Variants in POU2F1 observed in about 807,000 individuals in gnomAD.
POU2F1 encodes POU class 2 homeobox 1.
POU2F1 carries 16 observed loss-of-function variants against 84.9 expected under a neutral mutation model. The observed-to-expected ratio is 0.19, with a 90% CI of 0.13 to 0.29. The LOEUF (loss-of-function observed/expected upper bound fraction) is 0.29. Ranked by LOEUF, POU2F1 falls within the 10% of genes least tolerant of loss-of-function variation. The pLI, the probability that POU2F1 is intolerant of heterozygous loss-of-function variation, is 1.00. For synonymous variants in POU2F1, 368 were observed against 368.3 expected (o/e 1.00, Z 0.01); for missense variants, 738 against 942.6 (o/e 0.78, Z 2.84).
At chr1:167,406,148 C>A (rs1292255995) in intron 13 of POU2F1, among the ~76,000 whole-genome samples, 1 of 152,086 alleles carries the variant, frequency 6.6e-6, no homozygotes, top group Admixed American at 6.5e-5. Flanking sequence ...AATCCAGCAA[C>A]ATACTGAAAA....
At chr1:167,258,076 A>T (rs768037031) in intron 1 of POU2F1, among the ~76,000 whole-genome samples, 1 of 152,200 alleles carries the variant, frequency 6.6e-6, no homozygotes, top group South Asian at 2.1e-4. Context: ...CAAGGTTCCA[A>T]AGCTAAGCTG....
chr1:167,308,224 G>A (rs957384629), intron 1 of POU2F1, among the ~76,000 whole-genome samples: 7 of 151,790 alleles, frequency 4.6e-5, no homozygotes, highest in Non-Finnish European at 1.0e-4. Flanking sequence ...ACACCACCAC[G>A]CCTGGCTAAT....
rs1375050664 is a variant in POU2F1, at chr1:167,266,502, TAAAAC to T, written c.61+45549_61+45553del. ...GTATGTGCAGATGTTCTAGAATTATTAAAACAAAATCAGTATCAGAATGTCAAATA... is the reference window on the plus strand; with the variant it reads ...GTATGTGCAGATGTTCTAGAATTATTAAAATCAGTATCAGAATGTCAAATA... On this transcript the variant is annotated intron_variant, in intron 1 of 15. Coordinates refer to ENST00000367866, the MANE Select transcript of POU2F1 (RefSeq NM_002697.4). Among the ~76,000 whole-genome samples, 124 of 152,314 alleles carry T rather than the reference TAAAAC, an allele frequency of 8.1e-4. 1 individual carries two copies. The highest frequency in any genetic ancestry group is 2.8e-4 in the Non-Finnish European group (19 of 68,038).
chr1:167,401,235 T>G (rs1222063413), intron 12 of POU2F1, among the ~76,000 whole-genome samples: 1 of 152,194 alleles, frequency 6.6e-6, no homozygotes, highest in Non-Finnish European at 1.5e-5. Flanking sequence ...TATATCTGTC[T>G]CAACGCTATT....
At chr1:167,279,166 G>A (rs1464152767) in intron 1 of POU2F1, among the ~76,000 whole-genome samples, 1 of 152,202 alleles carries the variant, frequency 6.6e-6, no homozygotes, top group Non-Finnish European at 1.5e-5. Context: ...GCAGAATCAT[G>A]GGTAGTGGTA....
At chr1:167,389,543 T>C in intron 8 of POU2F1, 45 bp from the exon 9 acceptor site, 1 of 1,606,868 alleles carries the variant, frequency 6.2e-7, no homozygotes. Context: ...AACCTAAATA[T>C]CTCTTCACGT....
At chr1:167,322,647 T>C (rs1397945412) in intron 1 of POU2F1, among the ~76,000 whole-genome samples, 1 of 152,176 alleles carries the variant, frequency 6.6e-6, no homozygotes, top group East Asian at 1.9e-4. Flanking sequence ...CCTAACCCAG[T>C]GGCGCTAGAG....
chr1:167,271,309 A>C (rs1015561847), intron 1 of POU2F1, among the ~76,000 whole-genome samples: 1 of 152,214 alleles, frequency 6.6e-6, no homozygotes, highest in Non-Finnish European at 1.5e-5. Context: ...GTTTCCTTAG[A>C]AGCCATTTGG....
chr1:167,340,314 A>T (rs1261447340), intron 2 of POU2F1, among the ~76,000 whole-genome samples: 2 of 152,144 alleles, frequency 1.3e-5, no homozygotes. Flanking sequence ...TCCTGACCTC[A>T]GGTGATCCGC....
rs538273617 is a variant in POU2F1 at position 167,282,182 on chromosome 1, G to A, written c.62-50288G>A. Among the ~76,000 whole-genome samples the A allele has an allele frequency of 1.8e-4, 26 of 147,538 alleles. No individual in the cohort carries two copies. In the South Asian group the frequency reaches 5.1e-3, roughly 29 times the overall value. On this transcript the variant is annotated intron_variant, in intron 1 of 15. Coordinates refer to ENST00000367866, the MANE Select transcript of POU2F1 (RefSeq NM_002697.4). ...TTTCTGAGACGAGTCTCGCTCTGTC[G>A]CCCAGGCTGGAATGCAGTGGCGCGA...
intron 1 of POU2F1, among the ~76,000 whole-genome samples, chr1:167,269,557 G>T (rs1347411118): frequency 6.6e-6 from 1 of 152,152 alleles, no homozygotes; most frequent in East Asian, 1.9e-4. Context: ...GGAGGAGAAG[G>T]AATAGTATTT....
chr1:167,372,067 CTT>C (rs1192532464), intron 5 of POU2F1, 31 bp downstream of exon 5: 1 of 1,594,952 alleles, frequency 6.3e-7, no homozygotes, highest in Non-Finnish European at 8.5e-7. Context: ...TTATAACAAA[CTT>C]TTTCTGTGTC....
In POU2F1 at chr1:167,401,308, T is replaced by A. The variant is rs1173753136; in HGVS notation, c.1450-143T>A. Reference sequence around the variant, plus strand: ...CAGGCAAAGCTATCTGTGATATCAGTGAACAACCATCTTCGAATAGCAGCT... The same window carrying A: ...CAGGCAAAGCTATCTGTGATATCAGAGAACAACCATCTTCGAATAGCAGCT... On this transcript the variant is annotated intron_variant, in intron 12 of 15. Coordinates refer to ENST00000367866, the MANE Select transcript of POU2F1 (RefSeq NM_002697.4). The A allele has an allele frequency of 2.0e-5, 11 of 539,928 alleles. No individual in the cohort carries two copies. The East Asian group carries it at 3.4e-4, about 17-fold the overall frequency. The allele number at this position is 539,928 out of a possible 1,614,324, so 33.4% of individuals were successfully genotyped here.
chr1:167,227,353 C>T (rs1163005730), intron 1 of POU2F1, among the ~76,000 whole-genome samples: 3 of 151,860 alleles, frequency 2.0e-5, no homozygotes, highest in East Asian at 3.8e-4. Context: ...GGCAGGTTTC[C>T]CCCCCTCTGT....
chr1:167,324,862 G>C (rs1484673396), intron 1 of POU2F1, among the ~76,000 whole-genome samples: 1 of 152,178 alleles, frequency 6.6e-6, no homozygotes, highest in Non-Finnish European at 1.5e-5. Flanking sequence ...ATTCCGTTAA[G>C]TTATTCTAAA....
At chr1:167,311,881 C>A (rs1165388223) in intron 1 of POU2F1, among the ~76,000 whole-genome samples, 1 of 151,204 alleles carries the variant, frequency 6.6e-6, no homozygotes, top group African/African-American at 2.4e-5. Context: ...TGGCTCACTG[C>A]AGCCTCCACC....
chr1:167,343,399 T>C (rs1657985250), intron 2 of POU2F1, among the ~76,000 whole-genome samples: 2 of 152,188 alleles, frequency 1.3e-5, no homozygotes, highest in Non-Finnish European at 2.9e-5. Context: ...GTACAGATTA[T>C]TAGAGATTGT....
intron 1 of POU2F1, among the ~76,000 whole-genome samples, chr1:167,243,138 G>A (rs1467928577): frequency 1.3e-5 from 2 of 152,098 alleles, no homozygotes; most frequent in African/African-American, 2.4e-5. Flanking sequence ...TACTTGGGAC[G>A]TTATTGCATG....
intron 8 of POU2F1, among the ~76,000 whole-genome samples, chr1:167,389,119 C>T (rs1228193383): frequency 6.6e-6 from 1 of 152,116 alleles, no homozygotes; most frequent in Non-Finnish European, 1.5e-5. Context: ...ACTTTTCCCC[C>T]TTAATGATTT....
Sources: allele counts gnomAD v4.1 joint callset (sites outside exome capture counted in the v4.1 genomes callset), GRCh38; gene constraint gnomAD v4.1.1; transcripts MANE v1.5; gene names NCBI Gene and HGNC (gene_info 2026-07-23, HGNC 2026-07-21).